GLIS3: variants seen among roughly 807,000 people sequenced by gnomAD.
GLIS3 encodes zinc finger protein GLIS3.
In GLIS3, 53 loss-of-function variants were observed where a neutral mutation model predicts 78.6. That is an observed-to-expected ratio of 0.67 (90% CI 0.54 to 0.85). The LOEUF (loss-of-function observed/expected upper bound fraction) is 0.85, where lower values mean the gene tolerates loss of function less well. GLIS3 is among the 40% of genes least tolerant of loss of function. The pLI, the probability that GLIS3 is intolerant of heterozygous loss-of-function variation, is 0.00. For synonymous variants in GLIS3, 684 were observed against 509.9 expected (o/e 1.34, Z -4.60); for missense variants, 1,703 against 1,231.1 (o/e 1.38, Z -5.74).
intron 4 of GLIS3, among the ~76,000 whole-genome samples, chr9:3,992,618 A>G (rs1354877199): frequency 6.6e-6 from 1 of 152,238 alleles, no homozygotes; most frequent in African/African-American, 2.4e-5. Flanking sequence ...ACAGTATTAA[A>G]GCTGGATGAT....
chr9:4,229,519 GCA>G (rs1406703910), intron 2 of GLIS3, among the ~76,000 whole-genome samples: 1 of 152,154 alleles, frequency 6.6e-6, no homozygotes, highest in African/African-American at 2.4e-5. Flanking sequence ...AGTGTCTCCT[GCA>G]CAGTGTTATC....
At chr9:4,348,983 G>T (rs1817928342), upstream of GLIS3, among the ~76,000 whole-genome samples, 1 of 152,082 alleles carries the variant, frequency 6.6e-6, no homozygotes, top group African/African-American at 2.4e-5. Context: ...CAAACATCCA[G>T]TAAACATTAT....
At chr9:4,282,788 A>G (rs991518020) in intron 2 of GLIS3, among the ~76,000 whole-genome samples, 12 of 152,022 alleles carry the variant, frequency 7.9e-5, no homozygotes, top group African/African-American at 2.9e-4. Flanking sequence ...TATGTATCCT[A>G]TTTGTCTATT....
At chr9:4,030,637 G>A (rs1823759457) in intron 4 of GLIS3, among the ~76,000 whole-genome samples, 1 of 152,136 alleles carries the variant, frequency 6.6e-6, no homozygotes, top group African/African-American at 2.4e-5. Flanking sequence ...TCATTCTTCT[G>A]CGTATGGGTA....
At chr9:3,843,256 C>G (rs1426938654) in intron 9 of GLIS3, among the ~76,000 whole-genome samples, 2 of 152,174 alleles carry the variant, frequency 1.3e-5, no homozygotes, top group African/African-American at 4.8e-5. Flanking sequence ...ATTTCCAGCA[C>G]TCTAATCTAA....
At chr9:3,967,846 C>T (rs1342422558) in intron 4 of GLIS3, among the ~76,000 whole-genome samples, 1 of 152,174 alleles carries the variant, frequency 6.6e-6, no homozygotes, top group Non-Finnish European at 1.5e-5. Context: ...GAAGGACAGG[C>T]ACCAAGCTCT....
In GLIS3 at chr9:3,826,505, G is replaced by C. The variant is rs1317968452; in HGVS notation, c.*1767C>G. Reference sequence around the variant, plus strand: ...CTAACTCATCTCTTTTGCAGACTTTGACGTCTACGTGAAAGCTTTTCTTAG... The same window carrying C: ...CTAACTCATCTCTTTTGCAGACTTTCACGTCTACGTGAAAGCTTTTCTTAG... On this transcript the variant is annotated 3_prime_UTR_variant, in exon 11 of 11. Coordinates refer to ENST00000381971, the MANE Select transcript of GLIS3 (RefSeq NM_001042413.2). 6.6e-6 allele frequency: 1 copy of C among 152,194 alleles called. No homozygotes were observed. The highest frequency in any genetic ancestry group is 2.4e-5 in the African/African-American group (1 of 41,440). 9.4% of individuals were successfully genotyped at this position (152,194 alleles called of 1,614,324 possible). A position where few individuals can be genotyped will look rare whatever the true frequency, so the allele number is the denominator to read the frequency against.
At chr9:4,272,786 G>T (rs577773159) in intron 2 of GLIS3, among the ~76,000 whole-genome samples, 4 of 152,148 alleles carry the variant, frequency 2.6e-5, no homozygotes, top group Non-Finnish European at 4.4e-5. Context: ...AGGCTGTTAA[G>T]ATTCTGAATC....
At chr9:4,250,802 G>C (rs182095523) in intron 2 of GLIS3, among the ~76,000 whole-genome samples, 1 of 152,110 alleles carries the variant, frequency 6.6e-6, no homozygotes, top group Non-Finnish European at 1.5e-5. Context: ...AGAGATTCTG[G>C]TACGTTGTGT....
chr9:4,309,247 C>G (rs1363321440), intron 3 of GLIS3, among the ~76,000 whole-genome samples: 3 of 152,134 alleles, frequency 2.0e-5, no homozygotes, highest in South Asian at 4.1e-4. Flanking sequence ...ATAATAGGCA[C>G]TCAATAGTCT....
the GLIS3 span, among the ~76,000 whole-genome samples, chr9:4,394,402 G>A: frequency 6.6e-6 from 1 of 152,026 alleles, no homozygotes. Flanking sequence ...GGGTGGTTGT[G>A]AGTCTTCATT....
the GLIS3 span, among the ~76,000 whole-genome samples, chr9:4,399,664 C>T: frequency 1.3e-5 from 2 of 151,842 alleles, no homozygotes; most frequent in East Asian, 1.9e-4. Context: ...ATTTTTTTTC[C>T]TCAAGACTTT....
At chr9:4,048,783 C>G (rs1489295159) in intron 4 of GLIS3, among the ~76,000 whole-genome samples, 1 of 152,188 alleles carries the variant, frequency 6.6e-6, no homozygotes, top group Non-Finnish European at 1.5e-5. Context: ...CTAGGCCTAG[C>G]CTATGCACCT....
At chr9:4,419,889 C>T in the GLIS3 span, among the ~76,000 whole-genome samples, 2 of 152,148 alleles carry the variant, frequency 1.3e-5, no homozygotes, top group Admixed American at 6.5e-5. Flanking sequence ...ATGATCAAAT[C>T]ATCTCCCACC....
At chr9:4,279,324 T>TACACACACACACACACACACAC (rs141790371) in intron 2 of GLIS3, among the ~76,000 whole-genome samples, 1 of 84,926 alleles carries the variant, frequency 1.2e-5, no homozygotes, top group African/African-American at 4.7e-5. Flanking sequence ...AATATATATA[T>TACACACACACACACACACACAC]ACACACACAC....
chr9:3,893,812 T>C (rs982790272), intron 7 of GLIS3, among the ~76,000 whole-genome samples: 2 of 152,204 alleles, frequency 1.3e-5, no homozygotes, highest in African/African-American at 4.8e-5. Context: ...TCAGAAACGC[T>C]GGGGGTAGGG....
intron 2 of GLIS3, among the ~76,000 whole-genome samples, chr9:4,182,016 T>A (rs1411308746): frequency 2.0e-5 from 3 of 152,242 alleles, no homozygotes; most frequent in Admixed American, 6.5e-5. Context: ...AGTAGACAAC[T>A]GATAAAGCAA....
chr9:4,449,384 G>T, the GLIS3 span, among the ~76,000 whole-genome samples: 2 of 152,200 alleles, frequency 1.3e-5, no homozygotes, highest in African/African-American at 4.8e-5. Context: ...CCCCACCTCT[G>T]GTGGCAGGGC....
intron 6 of GLIS3, chr9:3,900,978 G>A (rs746832485): frequency 5.9e-5 from 9 of 152,090 alleles, no homozygotes; most frequent in Non-Finnish European, 1.0e-4. Context: ...CTGATTAACC[G>A]AACTTGCAAC....
Sources: allele counts gnomAD v4.1 joint callset (sites outside exome capture counted in the v4.1 genomes callset), GRCh38; gene constraint gnomAD v4.1.1; transcripts MANE v1.5; gene names NCBI Gene and HGNC (gene_info 2026-07-23, HGNC 2026-07-21).